Variants in TP73 observed in about 807,000 individuals in gnomAD.
TP73 encodes p53-like transcription factor.
TP73 carries 25 observed loss-of-function variants against 62.5 expected under a neutral mutation model. The observed-to-expected ratio is 0.40, with a 90% CI of 0.29 to 0.56. TP73 has a LOEUF of 0.56. TP73 is among the 20% of genes least tolerant of loss of function. TP73 has a pLI of 0.46. For missense variants in TP73, 754 were observed against 913.3 expected (o/e 0.83, Z 2.25); for synonymous variants, 423 against 377.5 (o/e 1.12, Z -1.40).
intron 12 of TP73, 100 bp downstream of exon 12, chr1:3,731,165 A>C (rs1436211047): frequency 1.4e-6 from 2 of 1,474,406 alleles, no homozygotes; most frequent in East Asian, 4.8e-5. Context: ...CTGTGTGCTC[A>C]CCACTCGCAA....
chr1:3,713,477 G>C (rs906992396), intron 4 of TP73, among the ~76,000 whole-genome samples: 1 of 152,240 alleles, frequency 6.6e-6, no homozygotes, highest in African/African-American at 2.4e-5. Flanking sequence ...ACCTTGGGCC[G>C]TGTGGGACTC....
In TP73 at chr1:3,727,030, C is replaced by T; in HGVS notation, c.733-85C>T. 3 of 1,171,608 alleles carry T rather than the reference C, an allele frequency of 2.6e-6. No individual in the cohort carries two copies. In the South Asian group the frequency reaches 4.2e-5, roughly 16 times the overall value. 72.6% of individuals were successfully genotyped at this position (1,171,608 alleles called of 1,614,324 possible). Reference sequence around the variant, plus strand: ...TCCCCCTGCCTACGTGGAGCCAGGACCAGACATGGAGCTGGGGGCTGCCAC... The same window carrying T: ...TCCCCCTGCCTACGTGGAGCCAGGATCAGACATGGAGCTGGGGGCTGCCAC... On this transcript the variant is annotated intron_variant, in intron 6 of 13. Transcript: ENST00000378295.
chr1:3,661,773 A>AAT (rs1287103251), intron 1 of TP73, among the ~76,000 whole-genome samples: 2 of 147,876 alleles, frequency 1.4e-5, no homozygotes, highest in South Asian at 2.1e-4. Flanking sequence ...CACTATATAT[A>AAT]ATATGTATTA....
chr1:3,731,847 C>T (rs896475108), intron 13 of TP73, among the ~76,000 whole-genome samples: 1 of 152,166 alleles, frequency 6.6e-6, no homozygotes, highest in African/African-American at 2.4e-5. Context: ...GGGCTGTTTC[C>T]AAGGCACAAA....
chr1:3,708,369 C>T (rs1639851796), intron 4 of TP73: 1 of 160,824 alleles, frequency 6.2e-6, no homozygotes, highest in African/African-American at 2.4e-5. Flanking sequence ...CAGACTGGCC[C>T]ACGGTGGGGA....
intron 4 of TP73, among the ~76,000 whole-genome samples, chr1:3,715,780 T>C (rs1416555332): frequency 6.6e-6 from 1 of 152,088 alleles, no homozygotes; most frequent in Non-Finnish European, 1.5e-5. Flanking sequence ...CGTCTCCTAC[T>C]GGACCCCTGG....
chr1:3,731,392 C>CA (rs1452130081), intron 12 of TP73, 71 bp from the exon 13 acceptor site: 7 of 1,495,218 alleles, frequency 4.7e-6, no homozygotes, highest in Non-Finnish European at 6.5e-6. Flanking sequence ...AGGCCACTCT[C>CA]AGAGATGGGG....
chr1:3,729,864 G>C lies in TP73; in HGVS notation c.1197-136G>C, dbSNP rs973968536. ...CATGGCCATGGTTGGGGACAGGGAG[G>C]CTGGGGGAGGATGAAGCCACTCTCT... On this transcript the variant is annotated intron_variant, in intron 10 of 13. Transcript: ENST00000378295. 2.4e-6 allele frequency: 3 copies of C among 1,272,406 alleles called. No individual in the cohort carries two copies. In the Admixed American group the frequency reaches 8.0e-5, roughly 34 times the overall value. 78.8% of individuals were successfully genotyped at this position (1,272,406 alleles called of 1,614,324 possible).
Position 3,679,029 on chromosome 1 carries a change from A to G in TP73, c.-33-3304A>G, listed in dbSNP as rs573138822. Among the ~76,000 whole-genome samples the G allele has an allele frequency of 5.9e-5, 9 of 152,290 alleles. No homozygotes were observed. In the South Asian group the frequency reaches 1.7e-3, roughly 28 times the overall value. On this transcript the variant is annotated intron_variant, in intron 1 of 13. Coordinates refer to ENST00000378295, the MANE Select transcript of TP73 (RefSeq NM_005427.4). Reference sequence around the variant, plus strand: ...CGGGTGGGATCGGGGACCCACGACCACGCTCGCTGGCCTCTGTCCTGTGCC... The same window carrying G: ...CGGGTGGGATCGGGGACCCACGACCGCGCTCGCTGGCCTCTGTCCTGTGCC...
intron 1 of TP73, chr1:3,659,387 C>G (rs77477133): frequency 5.7e-4 from 87 of 152,262 alleles, no homozygotes; most frequent in African/African-American, 2.0e-3. Flanking sequence ...TTCAAGTCGT[C>G]CAGCCTCAGT....
rs549751757 is a variant in TP73 at position 3,727,747 on chromosome 1, A to G, written c.962A>G (p.Lys321Arg). ...CAGGCCCTGAACGAGAGCTCCGCCAAGAACGGGGCCGCCAGCAAGCGTGGT... is the reference window on the plus strand; with the variant it reads ...CAGGCCCTGAACGAGAGCTCCGCCAGGAACGGGGCCGCCAGCAAGCGTGGT... ...EQQALNESSAKNGAASKRAFK... is the reference protein window; with the variant it reads ...EQQALNESSARNGAASKRAFK... Residue 321 changes from lysine (K) to arginine (R), a missense_variant, in exon 8 of 14, where the codon AAG becomes AGG. Lys to Arg is a conservative substitution (Grantham distance 26, BLOSUM62 2). Coordinates refer to ENST00000378295, the MANE Select transcript of TP73 (RefSeq NM_005427.4). The G allele has an allele frequency of 3.4e-5, 53 of 1,549,524 alleles. 1 individual carries two copies. In the South Asian group the frequency reaches 6.0e-4, roughly 18 times the overall value.
chr1:3,681,369 T>C (rs1570427209), intron 1 of TP73, among the ~76,000 whole-genome samples: 1 of 151,970 alleles, frequency 6.6e-6, no homozygotes, highest in Non-Finnish European at 1.5e-5. Context: ...TGGGCTCGGG[T>C]TTCCCTGTCC....
At chr1:3,673,644 C>T (rs887623873) in intron 1 of TP73, among the ~76,000 whole-genome samples, 1 of 152,132 alleles carries the variant, frequency 6.6e-6, no homozygotes, top group Non-Finnish European at 1.5e-5. Context: ...GGAGTGTGTG[C>T]CCGGCAGTGC....
Position 3,653,426 on chromosome 1 carries a change from G to A in TP73, c.-34+785G>A, listed in dbSNP as rs185519890. On this transcript the variant is annotated intron_variant, in intron 1 of 13. Coordinates refer to ENST00000378295, the MANE Select transcript of TP73 (RefSeq NM_005427.4). Reference sequence around the variant, plus strand: ...AGCGATGATTACCTTTGCTCAGCTTGTATTTTGGCCTGGACGCTAGGAGAT... The same window carrying A: ...AGCGATGATTACCTTTGCTCAGCTTATATTTTGGCCTGGACGCTAGGAGAT... 2.0e-5 allele frequency among the ~76,000 whole-genome samples: 3 copies of A among 152,356 alleles called. 1 individual carries two copies. The highest frequency in any genetic ancestry group is 2.9e-5 in the Non-Finnish European group (2 of 68,038).
intron 1 of TP73, among the ~76,000 whole-genome samples, chr1:3,658,640 C>G (rs907490298): frequency 3.4e-4 from 51 of 152,188 alleles, no homozygotes; most frequent in African/African-American, 1.2e-3. Context: ...TTATAGATGT[C>G]AATTTTCTTT....
chr1:3,668,419 T>C (rs1371242924), intron 1 of TP73, among the ~76,000 whole-genome samples: 3 of 152,076 alleles, frequency 2.0e-5, no homozygotes, highest in Admixed American at 2.0e-4. Flanking sequence ...TCTCCAAAAT[T>C]GGGGCGGGGC....
At chr1:3,723,997 T>G (rs1174606725) in intron 6 of TP73, among the ~76,000 whole-genome samples, 2 of 125,512 alleles carry the variant, frequency 1.6e-5, no homozygotes, top group African/African-American at 3.1e-5. Context: ...GTCAGCAGGG[T>G]GGAGAGCCGG....
chr1:3,669,639 G>A (rs1451469350), intron 1 of TP73, among the ~76,000 whole-genome samples: 1 of 152,226 alleles, frequency 6.6e-6, no homozygotes, highest in Non-Finnish European at 1.5e-5. Flanking sequence ...TGGCCCCGGA[G>A]CCTCTCCCGG....
Position 3,672,156 on chromosome 1 carries a change from T to C in TP73, c.-33-10177T>C, listed in dbSNP as rs951471585. ...AAAGCCCAGAGCCAGGGGTGAGGGGTATGTGTAGGGTGGGGACATCTCAGA... is the reference window on the plus strand; with the variant it reads ...AAAGCCCAGAGCCAGGGGTGAGGGGCATGTGTAGGGTGGGGACATCTCAGA... On this transcript the variant is annotated intron_variant, in intron 1 of 13. Coordinates refer to ENST00000378295, the MANE Select transcript of TP73 (RefSeq NM_005427.4). This position sits in a 1 kb window ranked among gnomAD's most constrained non-coding sequence, Gnocchi z 5.3. Among the ~76,000 whole-genome samples, 2 of 150,636 alleles carry C rather than the reference T, an allele frequency of 1.3e-5. No homozygotes were observed. The highest frequency in any genetic ancestry group is 4.9e-5 in the African/African-American group (2 of 40,810).
Sources: gnomAD v4.1 joint callset for allele counts (sites outside exome capture counted in the v4.1 genomes callset) on GRCh38, gnomAD v4.1.1 for gene constraint, Gnocchi (gnomAD v3.1) non-coding constraint, MANE v1.5 for transcripts, NCBI Gene and HGNC (gene_info 2026-07-23, HGNC 2026-07-21) for gene names.